The following ANKRD36B variants were observed in gnomAD, a reference collection of about 807,000 sequenced individuals.
ANKRD36B encodes ankyrin repeat domain-containing protein 36B.
Under a neutral mutation model 135.7 loss-of-function variants are expected in ANKRD36B, and 37 were observed. The ratio of observed to expected loss-of-function variants is 0.27; its 90% CI spans 0.21 to 0.36. The LOEUF is 0.36. Among genes scored for constraint, ANKRD36B ranks in the 10% least tolerant of loss-of-function variants. ANKRD36B has a pLI of 1.00. For synonymous variants in ANKRD36B, 179 were observed against 348.1 expected (o/e 0.51, Z 5.41); for missense variants, 549 against 1,037.1 (o/e 0.53, Z 6.46).
chr2:97,589,865 C>G lies in ANKRD36B; in HGVS notation c.-180G>C. Reference sequence around the variant, plus strand: ...AGCGCCTCCCGCCTCTCCGCAGAAACGCCCAACAGAAGGGTTAGAACCAGC... The same window carrying G: ...AGCGCCTCCCGCCTCTCCGCAGAAAGGCCCAACAGAAGGGTTAGAACCAGC... On this transcript the variant is annotated 5_prime_UTR_variant, in exon 1 of 44. Coordinates refer to ENST00000359901, the MANE Select transcript of ANKRD36B (RefSeq NM_001393939.1). 1.2e-6 allele frequency: 1 copy of G among 853,730 alleles called. No homozygotes were observed. The highest frequency in any genetic ancestry group is 1.8e-6 in the Non-Finnish European group (1 of 551,502). The allele number at this position is 853,730 out of a possible 1,614,324, so 52.9% of individuals were successfully genotyped here.
At chr2:97,551,834 T>C (rs1328679277) in intron 16 of ANKRD36B, among the ~76,000 whole-genome samples, 1 of 151,980 alleles carries the variant, frequency 6.6e-6, no homozygotes, top group Non-Finnish European at 1.5e-5. Context: ...AAGCAGGTGC[T>C]ACATGATCCC....
Position 97,589,673 on chromosome 2 carries a change from A to G in ANKRD36B, c.13T>C (p.Cys5Arg). ...TGGGGAAATGCGAAGCCATCCGAGC[A>G]CAAGCGCTCCATGAGGGTGGGCCAC... MERL[C>R]SDGFAFPHYY... Residue 5 changes from cysteine to arginine, a missense_variant, in exon 1 of 44, where the codon TGC becomes CGC. Coordinates refer to ENST00000359901, the MANE Select transcript of ANKRD36B (RefSeq NM_001393939.1). 6.2e-7 allele frequency: 1 copy of G among 1,614,208 alleles called. No individual in the cohort carries two copies. The highest frequency in any genetic ancestry group is 2.2e-5 in the East Asian group (1 of 44,858).
chr2:97,585,228 A>G, intron 2 of ANKRD36B, 56 bp downstream of exon 2: 1 of 1,559,644 alleles, frequency 6.4e-7, no homozygotes, highest in Non-Finnish European at 8.7e-7. Flanking sequence ...AATTCATTTT[A>G]TCCTATGTAC....
intron 20 of ANKRD36B, 149 bp from the exon 21 acceptor site, chr2:97,547,880 A>G (rs560162032): frequency 5.9e-5 from 72 of 1,225,478 alleles, no homozygotes; most frequent in African/African-American, 2.1e-4. Flanking sequence ...GGACTAGAAC[A>G]TGACAGAAAT....
chr2:97,574,317 T>A (rs1275068370), intron 6 of ANKRD36B, among the ~76,000 whole-genome samples: 2 of 152,004 alleles, frequency 1.3e-5, no homozygotes, highest in African/African-American at 4.8e-5. Context: ...ATCAGAGAAA[T>A]GCAAATCAAA....
intron 6 of ANKRD36B, among the ~76,000 whole-genome samples, chr2:97,573,642 T>G (rs1199095226): frequency 6.6e-6 from 1 of 152,070 alleles, no homozygotes; most frequent in African/African-American, 2.4e-5. Flanking sequence ...CAAACTATAC[T>G]ACAAGGCTAG....
chr2:97,571,674 G>A (rs1039984207), intron 6 of ANKRD36B, among the ~76,000 whole-genome samples: 10 of 151,972 alleles, frequency 6.6e-5, no homozygotes, highest in African/African-American at 2.2e-4. Context: ...AAAAACATAA[G>A]TAAAATAATT....
rs773526062 is a variant in ANKRD36B at position 97,538,152 on chromosome 2, T to C, written c.2089+16A>G. On this transcript the variant is annotated intron_variant, in intron 32 of 43. Coordinates refer to ENST00000359901, the MANE Select transcript of ANKRD36B (RefSeq NM_001393939.1). ...TCTTGAGTGCACATGACATTAAATGTATATTGCCAAATTACCTGTTCCAGA... is the reference window on the plus strand; with the variant it reads ...TCTTGAGTGCACATGACATTAAATGCATATTGCCAAATTACCTGTTCCAGA... 30 of 994,346 alleles carry C rather than the reference T, an allele frequency of 3.0e-5. 8 individuals carry two copies. The highest frequency in any genetic ancestry group is 1.8e-4 in the Admixed American group (8 of 43,910). The allele number at this position is 994,346 out of a possible 1,614,324, so 61.6% of individuals were successfully genotyped here. A position where few individuals can be genotyped will look rare whatever the true frequency, so the allele number is the denominator to read the frequency against.
At position 97,524,504 on chromosome 2, in the gene ANKRD36B, C is replaced by T. The variant is rs1331434954; in HGVS notation, c.2266-1037G>A. ...TAAATAAAGCTCCGAAGGTGACTGG[C>T]AAGCATATTCTGGAGACCCAGAGTA... On this transcript the variant is annotated intron_variant, in intron 35 of 43. Coordinates refer to ENST00000359901, the MANE Select transcript of ANKRD36B (RefSeq NM_001393939.1). 2 of 95,820 alleles carry T rather than the reference C, an allele frequency of 2.1e-5. 1 individual carries two copies. The highest frequency in any genetic ancestry group is 5.5e-5 in the Non-Finnish European group (2 of 36,124). The allele number at this position is 95,820 out of a possible 1,614,324, so 5.9% of individuals were successfully genotyped here. A position where few individuals can be genotyped will look rare whatever the true frequency, so the allele number is the denominator to read the frequency against.
At chr2:97,566,508 CTT>C (rs2081441763) in intron 6 of ANKRD36B, among the ~76,000 whole-genome samples, 1 of 152,132 alleles carries the variant, frequency 6.6e-6, no homozygotes, top group South Asian at 2.1e-4. Flanking sequence ...ATTAAGAACT[CTT>C]ATTTCCTTTC....
At chr2:97,550,367 T>C (rs1459504421) in intron 18 of ANKRD36B, among the ~76,000 whole-genome samples, 4 of 151,888 alleles carry the variant, frequency 2.6e-5, no homozygotes, top group Non-Finnish European at 5.9e-5. Context: ...AAGCATTAGA[T>C]ATTGATGTTT....
intron 6 of ANKRD36B, among the ~76,000 whole-genome samples, chr2:97,563,435 C>T (rs902331854): frequency 1.2e-3 from 41 of 33,050 alleles, no homozygotes; most frequent in Admixed American, 3.8e-3. Context: ...AAAAAATACA[C>T]ACACACACAC....
At position 97,553,255 on chromosome 2, in the gene ANKRD36B, A is replaced by G. The variant is rs2080224023; in HGVS notation, c.1201-15T>C. On this transcript the variant is annotated splice_polypyrimidine_tract_variant and intron_variant, in intron 15 of 43. Coordinates refer to ENST00000359901, the MANE Select transcript of ANKRD36B (RefSeq NM_001393939.1). ...TCAGTTGTAGCCTGAATGGAATTTGAAAGAAAATAATAAATAAATAAATAA... is the reference window on the plus strand; with the variant it reads ...TCAGTTGTAGCCTGAATGGAATTTGGAAGAAAATAATAAATAAATAAATAA... 3 of 1,603,444 alleles carry G rather than the reference A, an allele frequency of 1.9e-6. No homozygotes were observed. The Admixed American group carries it at 5.1e-5, about 27-fold the overall frequency.
At chr2:97,560,518 A>C in intron 8 of ANKRD36B, 147 bp downstream of exon 8, 1 of 1,207,554 alleles carries the variant, frequency 8.3e-7, no homozygotes. Context: ...TATCAGAGTC[A>C]CCTGAGAACT....
intron 6 of ANKRD36B, among the ~76,000 whole-genome samples, chr2:97,564,679 G>C (rs1307331148): frequency 6.6e-6 from 1 of 152,032 alleles, no homozygotes; most frequent in Non-Finnish European, 1.5e-5. Context: ...AGATCAGATG[G>C]TGTAGGTGTA....
At chr2:97,504,737 TA>T (rs1289648146) in intron 43 of ANKRD36B, 1 of 18,340 alleles carries the variant, frequency 5.5e-5, no homozygotes, top group African/African-American at 2.3e-4. Context: ...AATAAAAAAA[TA>T]AAAAGTTAAA....
intron 6 of ANKRD36B, among the ~76,000 whole-genome samples, chr2:97,561,887 G>A (rs955539553): frequency 3.8e-4 from 57 of 151,904 alleles, no homozygotes; most frequent in Non-Finnish European, 4.7e-4. Flanking sequence ...GAGGAGCAAT[G>A]AGTCACTGTG....
chr2:97,536,239 G>T, intron 34 of ANKRD36B, 61 bp downstream of exon 34: 1 of 625,286 alleles, frequency 1.6e-6, no homozygotes, highest in Non-Finnish European at 2.7e-6. Flanking sequence ...GAAAGACTAT[G>T]AGCATTACAA....
intron 4 of ANKRD36B, among the ~76,000 whole-genome samples, chr2:97,580,036 C>T (rs1405433728): frequency 6.6e-6 from 1 of 152,170 alleles, no homozygotes; most frequent in Non-Finnish European, 1.5e-5. Flanking sequence ...TCTTTTTTCC[C>T]CCTCCCCATA....
Sources: allele counts gnomAD v4.1 joint callset (sites outside exome capture counted in the v4.1 genomes callset), GRCh38; gene constraint gnomAD v4.1.1; transcripts MANE v1.5; gene names NCBI Gene and HGNC (gene_info 2026-07-23, HGNC 2026-07-21).